Variants in EXT1 observed in about 807,000 individuals in gnomAD.
The protein encoded by EXT1 is exostosin glycosyltransferase 1, also known as exostosin-1.
In EXT1, 20 loss-of-function variants were observed where a neutral mutation model predicts 82.5. The observed-to-expected ratio is 0.24, with a 90% confidence interval of 0.17 to 0.35. The LOEUF is 0.35. Among genes scored for constraint, EXT1 ranks in the 10% least tolerant of loss-of-function variants. The probability of loss-of-function intolerance (pLI) is 1.00; values close to 1 mark genes in which losing one functional copy is unlikely to be tolerated. For synonymous variants in EXT1, 348 were observed against 350.8 expected (o/e 0.99, Z 0.09); for missense variants, 757 against 936.5 (o/e 0.81, Z 2.50).
At chr8:118,094,677 C>T (rs916047103) in intron 1 of EXT1, among the ~76,000 whole-genome samples, 4 of 152,208 alleles carry the variant, frequency 2.6e-5, no homozygotes, top group African/African-American at 9.7e-5. Flanking sequence ...AAGTGAAGAA[C>T]GGAAACAGGG....
intron 7 of EXT1, among the ~76,000 whole-genome samples, chr8:117,816,206 G>A (rs1467291314): frequency 6.6e-6 from 1 of 151,864 alleles, no homozygotes; most frequent in Non-Finnish European, 1.5e-5. Context: ...ATTGAAAGGG[G>A]GCATCGAGAC....
In EXT1 at chr8:117,835,432, C is replaced by T. The variant is rs1167993984; in HGVS notation, c.1164+12G>A. Reference sequence around the variant, plus strand: ...TCTGCTGATGTGTTGAAGGCCACAGCCCCTTCCTTACCTGTAATAACAATC... The same window carrying T: ...TCTGCTGATGTGTTGAAGGCCACAGTCCCTTCCTTACCTGTAATAACAATC... On this transcript the variant is annotated intron_variant, in intron 3 of 10. Transcript: ENST00000378204. 2 of 1,597,678 alleles carry T rather than the reference C, an allele frequency of 1.3e-6. No homozygotes were observed. The highest frequency in any genetic ancestry group is 1.1e-5 in the South Asian group (1 of 90,744).
intron 1 of EXT1, among the ~76,000 whole-genome samples, chr8:118,106,964 C>A (rs1251663849): frequency 8.5e-5 from 13 of 152,284 alleles, no homozygotes; most frequent in Admixed American, 2.6e-4. Flanking sequence ...AATTTATTTT[C>A]TCTCTATTAC....
chr8:117,861,699 C>G (rs2129865109), intron 1 of EXT1, among the ~76,000 whole-genome samples: 1 of 143,242 alleles, frequency 7.0e-6, no homozygotes, highest in East Asian at 2.0e-4. Context: ...TTTTACCATG[C>G]TGGCCAGGCT....
intron 1 of EXT1, among the ~76,000 whole-genome samples, chr8:117,918,031 A>C (rs1813787542): frequency 6.6e-6 from 1 of 152,158 alleles, no homozygotes; most frequent in Non-Finnish European, 1.5e-5. Context: ...TGCCTTTTCC[A>C]GGGATAAGCC....
intron 1 of EXT1, among the ~76,000 whole-genome samples, chr8:117,902,059 C>T (rs1813460393): frequency 6.7e-6 from 1 of 149,546 alleles, no homozygotes; most frequent in Non-Finnish European, 1.5e-5. Context: ...AAAGCCAAAA[C>T]ACAAACACAC....
intron 1 of EXT1, among the ~76,000 whole-genome samples, chr8:117,885,770 T>C (rs1280143879): frequency 6.6e-6 from 1 of 152,232 alleles, no homozygotes; most frequent in Non-Finnish European, 1.5e-5. Flanking sequence ...GTAGATATCC[T>C]ATGAAAGAAT....
intron 1 of EXT1, among the ~76,000 whole-genome samples, chr8:117,888,500 T>C (rs796304391): frequency 6.7e-5 from 10 of 148,684 alleles, no homozygotes; most frequent in African/African-American, 2.4e-4. Context: ...GTCACACCAC[T>C]ATATATATAT....
At chr8:118,041,561 T>A (rs1816526996) in intron 1 of EXT1, among the ~76,000 whole-genome samples, 1 of 152,116 alleles carries the variant, frequency 6.6e-6, no homozygotes, top group South Asian at 2.1e-4. Flanking sequence ...ATGCATCGTG[T>A]TCCTCAATAA....
intron 4 of EXT1, 92 bp from the exon 5 acceptor site, chr8:117,822,689 G>A: frequency 6.9e-7 from 1 of 1,447,622 alleles, no homozygotes; most frequent in Non-Finnish European, 9.6e-7. Flanking sequence ...GATGGTGGCA[G>A]TCAGAGTAGT....
At chr8:117,938,130 T>C (rs1195986004) in intron 1 of EXT1, among the ~76,000 whole-genome samples, 1 of 152,206 alleles carries the variant, frequency 6.6e-6, no homozygotes, top group Non-Finnish European at 1.5e-5. Flanking sequence ...TGCTATCCAC[T>C]ATGATAGCCC....
intron 8 of EXT1, among the ~76,000 whole-genome samples, chr8:117,808,008 G>A (rs1027576761): frequency 1.3e-5 from 2 of 152,180 alleles, no homozygotes; most frequent in East Asian, 3.8e-4. Flanking sequence ...CTAAGAATAA[G>A]TGGGGACAAG....
At chr8:117,915,196 GT>G (rs1416298486) in intron 1 of EXT1, among the ~76,000 whole-genome samples, 1 of 152,196 alleles carries the variant, frequency 6.6e-6, no homozygotes, top group Non-Finnish European at 1.5e-5. Context: ...TTGGGGGCGG[GT>G]TCCCCTGATA....
chr8:117,799,750 T>C lies in EXT1; in HGVS notation c.2203A>G (p.Ile735Val), dbSNP rs200106029. 4 of 1,613,950 alleles carry C rather than the reference T, an allele frequency of 2.5e-6. No homozygotes were observed. The highest frequency in any genetic ancestry group is 3.4e-6 in the Non-Finnish European group (4 of 1,180,010). ...DPVLFKDQVSILRKKYRDIER... is the reference protein window; with the variant it reads ...DPVLFKDQVSVLRKKYRDIER... ...ATGTCTCGGTATTTCTTCCTCAAAA[T>C]AGAGACCTGGTCTTTAAAGAGGACG... Residue 735 changes from isoleucine (I) to valine (V), a missense_variant, in exon 11 of 11, where the codon ATT becomes GTT. Physicochemically the swap from Ile to Val is conservative, Grantham distance 29. Coordinates refer to ENST00000378204, the MANE Select transcript of EXT1 (RefSeq NM_000127.3).
At chr8:118,079,464 A>T (rs1349042682) in intron 1 of EXT1, among the ~76,000 whole-genome samples, 1 of 152,238 alleles carries the variant, frequency 6.6e-6, no homozygotes, top group Non-Finnish European at 1.5e-5. Flanking sequence ...AAACCTGAAC[A>T]GGAAACTCAT....
chr8:117,928,766 TAA>T (rs368503461), intron 1 of EXT1, among the ~76,000 whole-genome samples: 1 of 145,224 alleles, frequency 6.9e-6, no homozygotes. Flanking sequence ...CAGTCAATAT[TAA>T]AAAAAAAAAA....
intron 1 of EXT1, among the ~76,000 whole-genome samples, chr8:117,969,096 C>A (rs1046048089): frequency 6.6e-6 from 1 of 152,092 alleles, no homozygotes; most frequent in Non-Finnish European, 1.5e-5. Flanking sequence ...AAAAACAAAG[C>A]GGCCACATTT....
chr8:117,957,424 A>C lies in EXT1; in HGVS notation c.963-120223T>G, dbSNP rs531434545. Among the ~76,000 whole-genome samples the C allele has an allele frequency of 2.1e-4, 32 of 152,334 alleles. 1 individual carries two copies. Among genetic ancestry groups the C allele is most frequent in the African/African-American group, 7.0e-4 (29 of 41,576 alleles). On this transcript the variant is annotated intron_variant, in intron 1 of 10. Coordinates refer to ENST00000378204, the MANE Select transcript of EXT1 (RefSeq NM_000127.3). The stretch of plus-strand genomic sequence containing the variant: ...TAACTCCCTGAATGGCAGTGAGTTC[A>C]TAATGGCCCTTCCCCCTGGCCTCTC...
intron 1 of EXT1, among the ~76,000 whole-genome samples, chr8:117,923,914 T>C (rs938842362): frequency 1.4e-4 from 22 of 152,150 alleles, no homozygotes; most frequent in Non-Finnish European, 2.5e-4. Context: ...GTTATGGGTC[T>C]AGTAAGAGTG....
Sources: gnomAD v4.1 joint callset for allele counts (sites outside exome capture counted in the v4.1 genomes callset) on GRCh38, gnomAD v4.1.1 for gene constraint, MANE v1.5 for transcripts, NCBI Gene and HGNC (gene_info 2026-07-23, HGNC 2026-07-21) for gene names.